Variants in PGGT1B observed in about 807,000 individuals in gnomAD.
The protein encoded by PGGT1B is geranylgeranyl transferase type-1 subunit beta.
In PGGT1B, 30 loss-of-function variants were observed where a neutral mutation model predicts 46.1. The ratio of observed to expected loss-of-function variants is 0.65; its 90% CI spans 0.49 to 0.88. PGGT1B has a LOEUF of 0.88. Among genes scored for constraint, PGGT1B ranks in the 40% least tolerant of loss-of-function variants. The pLI is 0.00. For missense variants in PGGT1B, 376 were observed against 455.9 expected (o/e 0.82, Z 1.60); for synonymous variants, 170 against 160.0 (o/e 1.06, Z -0.47).
intron 7 of PGGT1B, among the ~76,000 whole-genome samples, chr5:115,221,517 A>T (rs1365305918): frequency 6.6e-6 from 1 of 152,032 alleles, no homozygotes; most frequent in Non-Finnish European, 1.5e-5. Flanking sequence ...GTCAGTTCCA[A>T]CTTTTTTATT....
At chr5:115,215,142 G>A (rs886719757) in intron 8 of PGGT1B, among the ~76,000 whole-genome samples, 4 of 151,950 alleles carry the variant, frequency 2.6e-5, no homozygotes, top group African/African-American at 7.3e-5. Flanking sequence ...GGGACTACAG[G>A]TGTGCACCAC....
In PGGT1B at chr5:115,212,273, T is replaced by G. The variant is rs1158188405; in HGVS notation, c.*129A>C. Reference sequence around the variant, plus strand: ...ACTGGCTCAAGACCATATCCCAAAGTGAAATCAGCAGGAGATTTGATTGTA... The same window carrying G: ...ACTGGCTCAAGACCATATCCCAAAGGGAAATCAGCAGGAGATTTGATTGTA... On this transcript the variant is annotated 3_prime_UTR_variant, in exon 9 of 9. Transcript: ENST00000419445. The G allele has an allele frequency of 6.7e-7, 1 of 1,484,538 alleles. No homozygotes were observed. The highest frequency in any genetic ancestry group is 9.0e-7 in the Non-Finnish European group (1 of 1,116,784). The allele number at this position is 1,484,538 out of a possible 1,614,324, so 92.0% of individuals were successfully genotyped here.
At chr5:115,236,845 GC>G (rs1315990081) in intron 4 of PGGT1B, among the ~76,000 whole-genome samples, 1 of 152,112 alleles carries the variant, frequency 6.6e-6, no homozygotes, top group Non-Finnish European at 1.5e-5. Flanking sequence ...CAGTATACTG[GC>G]TTGAGAATGG....
intron 8 of PGGT1B, among the ~76,000 whole-genome samples, chr5:115,213,121 C>T (rs2126985630): frequency 6.6e-6 from 1 of 152,336 alleles, no homozygotes; most frequent in South Asian, 2.1e-4. Context: ...ATAATCCATT[C>T]TGGAATGCTG....
chr5:115,262,429 G>A, intron 1 of PGGT1B: 1 of 454,014 alleles, frequency 2.2e-6, no homozygotes, highest in Admixed American at 3.8e-5. Context: ...CAAAGTGACA[G>A]GCTATGGGAG....
At chr5:115,231,349 C>T (rs265437) in intron 5 of PGGT1B, among the ~76,000 whole-genome samples, 90,742 of 151,696 alleles carry the variant, frequency 0.6, 27,870 homozygotes, top group African/African-American at 0.72. Context: ...TATACGTGAG[C>T]TGGAGGAAAA....
chr5:115,262,577 C>T, intron 1 of PGGT1B, 135 bp downstream of exon 1: 1 of 974,756 alleles, frequency 1.0e-6, no homozygotes. Flanking sequence ...ACCTCAAGCC[C>T]ACTTGAAACC....
intron 1 of PGGT1B, among the ~76,000 whole-genome samples, chr5:115,253,489 T>C (rs1357802261): frequency 1.3e-5 from 2 of 151,948 alleles, no homozygotes; most frequent in Admixed American, 1.3e-4. Context: ...AAACCAATCC[T>C]ACCCCATTGA....
chr5:115,255,564 G>A (rs1748275570), intron 1 of PGGT1B, among the ~76,000 whole-genome samples: 2 of 152,094 alleles, frequency 1.3e-5, no homozygotes, highest in African/African-American at 2.4e-5. Flanking sequence ...TTATTAAAGC[G>A]TTATTAAGGA....
chr5:115,213,233 G>C (rs559489871), intron 8 of PGGT1B, among the ~76,000 whole-genome samples: 2 of 152,240 alleles, frequency 1.3e-5, no homozygotes, highest in East Asian at 3.9e-4. Context: ...GAAATAATAT[G>C]AGTGCTCATA....
chr5:115,228,974 G>C (rs1756884915), intron 6 of PGGT1B, among the ~76,000 whole-genome samples: 3 of 152,066 alleles, frequency 2.0e-5, no homozygotes, highest in Admixed American at 2.0e-4. Context: ...AGTACATTTG[G>C]AACACTTTTC....
intron 1 of PGGT1B, among the ~76,000 whole-genome samples, chr5:115,258,137 A>G (rs1748401558): frequency 6.6e-6 from 1 of 152,236 alleles, no homozygotes; most frequent in African/African-American, 2.4e-5. Flanking sequence ...CCTACTACAG[A>G]CTAGATGTCA....
At chr5:115,235,373 A>G (rs533043500) in intron 5 of PGGT1B, among the ~76,000 whole-genome samples, 1 of 152,206 alleles carries the variant, frequency 6.6e-6, no homozygotes, top group African/African-American at 2.4e-5. Flanking sequence ...AAAATCATCA[A>G]TGCATACTAA....
intron 8 of PGGT1B, among the ~76,000 whole-genome samples, chr5:115,212,861 TAA>T (rs1756278526): frequency 1.3e-5 from 2 of 152,212 alleles, no homozygotes; most frequent in Admixed American, 1.3e-4. Flanking sequence ...CCTCTGTGAT[TAA>T]AAGACAGGAG....
At chr5:115,243,512 A>T (rs1013285128) in intron 2 of PGGT1B, among the ~76,000 whole-genome samples, 2 of 152,226 alleles carry the variant, frequency 1.3e-5, no homozygotes, top group African/African-American at 4.8e-5. Context: ...ACTGGAAGGG[A>T]ATAAACAAAA....
intron 7 of PGGT1B, among the ~76,000 whole-genome samples, chr5:115,219,535 T>G (rs1193068355): frequency 6.6e-6 from 1 of 151,856 alleles, no homozygotes; most frequent in African/African-American, 2.4e-5. Context: ...GACCGTGGAT[T>G]CAGCAATAAT....
At chr5:115,219,029 C>G (rs956410576) in intron 7 of PGGT1B, among the ~76,000 whole-genome samples, 3 of 151,836 alleles carry the variant, frequency 2.0e-5, no homozygotes, top group Non-Finnish European at 4.4e-5. Context: ...CACTACTACC[C>G]AAAGGGATCT....
intron 5 of PGGT1B, among the ~76,000 whole-genome samples, chr5:115,231,283 C>T (rs1250370003): frequency 6.6e-6 from 1 of 151,986 alleles, no homozygotes; most frequent in Non-Finnish European, 1.5e-5. Flanking sequence ...AAGTTATCTA[C>T]ATATTCAATC....
At chr5:115,260,106 A>C (rs1386857395) in intron 1 of PGGT1B, among the ~76,000 whole-genome samples, 1 of 152,210 alleles carries the variant, frequency 6.6e-6, no homozygotes, top group Non-Finnish European at 1.5e-5. Context: ...AGTCAATATA[A>C]AAGAAAAATC....
Sources: allele counts gnomAD v4.1 joint callset (sites outside exome capture counted in the v4.1 genomes callset), GRCh38; gene constraint gnomAD v4.1.1; transcripts MANE v1.5; gene names NCBI Gene and HGNC (gene_info 2026-07-23, HGNC 2026-07-21).